The following CNBP variants were observed in gnomAD, a reference collection of about 807,000 sequenced individuals.
CNBP encodes the protein cellular nucleic acid-binding protein.
In CNBP, 6 loss-of-function variants were observed where a neutral mutation model predicts 21.2. The observed-to-expected ratio is 0.28, with a 90% CI of 0.16 to 0.56. The LOEUF (loss-of-function observed/expected upper bound fraction) is 0.56, where lower values mean the gene tolerates loss of function less well. Ranked by LOEUF, CNBP falls within the 20% of genes least tolerant of loss-of-function variation. The probability of loss-of-function intolerance (pLI) is 0.93; values close to 1 mark genes in which losing one functional copy is unlikely to be tolerated. For missense variants in CNBP, 112 were observed against 233.1 expected (o/e 0.48, Z 3.38); for synonymous variants, 61 against 74.9 (o/e 0.81, Z 0.96).
chr3:129,174,337 A>T (rs751728385), intron 1 of CNBP, among the ~76,000 whole-genome samples: 113 of 142,820 alleles, frequency 7.9e-4, no homozygotes, highest in Non-Finnish European at 1.5e-3. Context: ...TCCACCACAG[A>T]AGAGTCAGAA....
intron 1 of CNBP, among the ~76,000 whole-genome samples, chr3:129,174,544 A>T (rs1937764687): frequency 6.6e-6 from 1 of 151,584 alleles, no homozygotes. Flanking sequence ...TCATGCCTAT[A>T]ATCCCAGCTA....
At position 129,181,223 on chromosome 3, in the gene CNBP, G is replaced by C. The variant is rs376033092; in HGVS notation, c.-15+2553C>G. Among the ~76,000 whole-genome samples, 57 of 101,074 alleles carry C rather than the reference G, an allele frequency of 5.6e-4. 1 individual carries two copies. Among genetic ancestry groups the C allele is most frequent in the African/African-American group, 2.5e-3 (56 of 22,806 alleles). 66.3% of individuals were successfully genotyped at this position (101,074 alleles called of 152,430 possible). ...CCACTGCATTCCAGCCTGGCCGACA[G>C]AGAAAGACTCTGTCTCAAAAAAAAA... On this transcript the variant is annotated intron_variant, in intron 1 of 4. Coordinates refer to ENST00000422453, the MANE Select transcript of CNBP (RefSeq NM_003418.5).
In CNBP at chr3:129,168,954, T is replaced by C. The variant is rs1937518310; in HGVS notation, c.*1499A>G. Among the ~76,000 whole-genome samples, 1 of 149,182 alleles carries C rather than the reference T, an allele frequency of 6.7e-6. No individual in the cohort carries two copies. ...TACTAAAAATACAAAAAAAAAAAAT[T>C]AGCTGGGCGCGGTGGCGGGTACCTG... On this transcript the variant is annotated 3_prime_UTR_variant, in exon 5 of 5. Transcript: ENST00000422453.
intron 1 of CNBP, among the ~76,000 whole-genome samples, chr3:129,182,045 A>G (rs1218774347): frequency 6.6e-6 from 1 of 152,052 alleles, no homozygotes; most frequent in Non-Finnish European, 1.5e-5. Context: ...GGGGAGGGGG[A>G]AGCCCAGGAG....
chr3:129,182,833 G>T (rs1392337623), intron 1 of CNBP, among the ~76,000 whole-genome samples: 2 of 152,112 alleles, frequency 1.3e-5, no homozygotes, highest in Non-Finnish European at 2.9e-5. Context: ...AAAAATTCAA[G>T]AATCGGAAAA....
Position 129,168,959 on chromosome 3 carries a change from G to A in CNBP, c.*1494C>T, listed in dbSNP as rs1331059889. Among the ~76,000 whole-genome samples the A allele has an allele frequency of 6.6e-6, 1 of 151,042 alleles. No individual in the cohort carries two copies. The highest frequency in any genetic ancestry group is 2.4e-5 in the African/African-American group (1 of 41,140). ...AAAATACAAAAAAAAAAAATTAGCT[G>A]GGCGCGGTGGCGGGTACCTGTAGCC... On this transcript the variant is annotated 3_prime_UTR_variant, in exon 5 of 5. Coordinates refer to ENST00000422453, the MANE Select transcript of CNBP (RefSeq NM_003418.5).
chr3:129,178,173 A>AT (rs1255369433), intron 1 of CNBP, among the ~76,000 whole-genome samples: 15 of 151,474 alleles, frequency 9.9e-5, no homozygotes, highest in East Asian at 1.9e-4. Flanking sequence ...AAAAAAAAAA[A>AT]AAAAAATAAG....
chr3:129,180,467 ACT>A (rs1938217072), intron 1 of CNBP, among the ~76,000 whole-genome samples: 1 of 152,172 alleles, frequency 6.6e-6, no homozygotes, highest in Admixed American at 6.6e-5. Flanking sequence ...TCACTGTAGC[ACT>A]CTCATATTCC....
At chr3:129,180,039 T>A (rs906318610) in intron 1 of CNBP, among the ~76,000 whole-genome samples, 1 of 151,834 alleles carries the variant, frequency 6.6e-6, no homozygotes, top group African/African-American at 2.4e-5. Context: ...AAAAGTTAAG[T>A]GGTAAAGTAC....
intron 1 of CNBP, among the ~76,000 whole-genome samples, chr3:129,173,431 C>T (rs572935865): frequency 5.3e-5 from 8 of 152,238 alleles, no homozygotes; most frequent in South Asian, 4.1e-4. Context: ...TACACCAAAG[C>T]GCTAATAATA....
intron 1 of CNBP, among the ~76,000 whole-genome samples, chr3:129,180,109 G>C (rs549380708): frequency 6.6e-6 from 1 of 151,194 alleles, no homozygotes; most frequent in Admixed American, 6.6e-5. Context: ...TTAAGGTAGG[G>C]AATTATACCA....
intron 1 of CNBP, among the ~76,000 whole-genome samples, chr3:129,178,252 A>C (rs1190816637): frequency 6.6e-6 from 1 of 152,054 alleles, no homozygotes; most frequent in Non-Finnish European, 1.5e-5. Flanking sequence ...ACTATTTTAC[A>C]CATTTTGAAC....
intron 1 of CNBP, among the ~76,000 whole-genome samples, chr3:129,181,420 G>A (rs1422138290): frequency 2.0e-5 from 3 of 150,988 alleles, no homozygotes; most frequent in Non-Finnish European, 3.0e-5. Context: ...TTGAGAGGCC[G>A]AGGGAGTCGG....
At chr3:129,171,353 C>A (rs775040147) in intron 3 of CNBP, 76 bp from the exon 4 acceptor site, 2 of 1,598,756 alleles carry the variant, frequency 1.3e-6, no homozygotes, top group Admixed American at 3.3e-5. Flanking sequence ...TTATACAATA[C>A]AAAACCTCAA....
At chr3:129,183,004 T>C (rs892446221) in intron 1 of CNBP, among the ~76,000 whole-genome samples, 2 of 151,966 alleles carry the variant, frequency 1.3e-5, no homozygotes, top group African/African-American at 2.4e-5. Flanking sequence ...CATGCTGGAG[T>C]GTAGTGGCGC....
intron 1 of CNBP, among the ~76,000 whole-genome samples, chr3:129,182,667 TG>T (rs1042783716): frequency 5.3e-5 from 8 of 152,188 alleles, no homozygotes; most frequent in African/African-American, 1.7e-4. Context: ...CCCGCTGCTG[TG>T]GTTTTGGAGG....
Position 129,172,352 on chromosome 3 carries a change from C to T in CNBP, c.-14-581G>A, listed in dbSNP as rs558083884. On this transcript the variant is annotated intron_variant, in intron 1 of 4. Transcript: ENST00000422453. ...ATCCTAGCACTTTGGGAGGCTGAAG[C>T]GGGTGGACCATCTGAGGTCAGGAGT... is the stretch of plus-strand genomic sequence containing the variant. 5.9e-5 allele frequency among the ~76,000 whole-genome samples: 9 copies of T among 151,848 alleles called. No homozygotes were observed. The South Asian group carries it at 1.9e-3, about 32-fold the overall frequency.
intron 1 of CNBP, among the ~76,000 whole-genome samples, chr3:129,172,651 GGC>G (rs1207292615): frequency 0.015 from 1,591 of 105,806 alleles, 10 homozygotes; most frequent in South Asian, 0.018. Context: ...CAGGCAGGCA[GGC>G]AGGCAGACAG....
rs764771217 is a variant in CNBP at position 129,171,207 on chromosome 3, T to C, written c.288A>G (p.Gln96=). The change falls in exon 4 of 5, where the codon CAA becomes CAG. Residue 96 remains glutamine, a synonymous_variant. Transcript: ENST00000422453. ...DCKEPKRERE[Q]CCYNCGKPGH... is the part of the protein sequence containing the mutation. ...CTGGTTTGCCACAGTTGTAGCAGCA[T>C]TGCTCTCGCTCTCTCTTGGGCTCCT... 1.3e-5 allele frequency: 21 copies of C among 1,614,146 alleles called. No homozygotes were observed. Among genetic ancestry groups the C allele is most frequent in the African/African-American group, 2.7e-5 (2 of 74,950 alleles).
Sources: allele counts gnomAD v4.1 joint callset (sites outside exome capture counted in the v4.1 genomes callset), GRCh38; gene constraint gnomAD v4.1.1; transcripts MANE v1.5; gene names NCBI Gene and HGNC (gene_info 2026-07-23, HGNC 2026-07-21).